KCND2: variants seen among roughly 807,000 people sequenced by gnomAD.
KCND2 encodes A-type voltage-gated potassium channel KCND2.
In KCND2, 16 loss-of-function variants were observed where a neutral mutation model predicts 54.4. The ratio of observed to expected loss-of-function variants is 0.29; its 90% CI spans 0.20 to 0.45. The LOEUF (loss-of-function observed/expected upper bound fraction) is 0.45, where lower values mean the gene tolerates loss of function less well. KCND2 is among the 20% of genes least tolerant of loss of function. The pLI, the probability that KCND2 is intolerant of heterozygous loss-of-function variation, is 1.00. For missense variants in KCND2, 486 were observed against 824.2 expected (o/e 0.59, Z 5.02); for synonymous variants, 317 against 310.7 (o/e 1.02, Z -0.21).
At chr7:120,493,717 C>T (rs984865720) in intron 1 of KCND2, among the ~76,000 whole-genome samples, 9 of 152,012 alleles carry the variant, frequency 5.9e-5, no homozygotes, top group African/African-American at 2.2e-4. Context: ...TTTAACAAGG[C>T]CAAGTGTTGC....
At chr7:120,726,693 C>G (rs546436325) in intron 1 of KCND2, among the ~76,000 whole-genome samples, 43 of 152,320 alleles carry the variant, frequency 2.8e-4, no homozygotes, top group African/African-American at 1.0e-3. Context: ...TACTTACACT[C>G]CAAATACTGA....
At chr7:120,561,715 G>T (rs374388018) in intron 1 of KCND2, among the ~76,000 whole-genome samples, 2 of 138,372 alleles carry the variant, frequency 1.4e-5, no homozygotes, top group African/African-American at 2.7e-5. Context: ...AGGTACAAGC[G>T]ATTCTGCTGT....
At chr7:120,670,884 C>G (rs1024516832) in intron 1 of KCND2, among the ~76,000 whole-genome samples, 2 of 150,548 alleles carry the variant, frequency 1.3e-5, no homozygotes, top group African/African-American at 2.4e-5. Context: ...CCACTGCACT[C>G]CAGCCTGGGC....
chr7:120,505,793 G>T (rs888580410), intron 1 of KCND2, among the ~76,000 whole-genome samples: 1 of 151,760 alleles, frequency 6.6e-6, no homozygotes, highest in African/African-American at 2.4e-5. Flanking sequence ...GAAGAGTAGG[G>T]TCATAAGGCC....
chr7:120,361,191 G>A (rs1800588032), intron 1 of KCND2, among the ~76,000 whole-genome samples: 1 of 151,944 alleles, frequency 6.6e-6, no homozygotes, highest in South Asian at 2.1e-4. Flanking sequence ...TGTAAGCCAA[G>A]TGTGAAATGC....
At chr7:120,289,037 A>AACACAT (rs1389999729) in intron 1 of KCND2, among the ~76,000 whole-genome samples, 19 of 62,220 alleles carry the variant, frequency 3.1e-4, no homozygotes, top group African/African-American at 6.5e-4. Context: ...CAGAGACACA[A>AACACAT]ACACACACAC....
At chr7:120,408,984 G>A (rs1346063421) in intron 1 of KCND2, among the ~76,000 whole-genome samples, 2 of 151,920 alleles carry the variant, frequency 1.3e-5, no homozygotes, top group Non-Finnish European at 2.9e-5. Flanking sequence ...CTCTGTACAT[G>A]TTTCTTAAGA....
chr7:120,746,203 G>T (rs913916500), intron 5 of KCND2, among the ~76,000 whole-genome samples, 176 bp downstream of exon 5: 2 of 152,110 alleles, frequency 1.3e-5, no homozygotes, highest in Non-Finnish European at 1.5e-5. Flanking sequence ...TCCATTAAGG[G>T]TTAAAAATAG....
At chr7:120,374,996 C>T (rs1800817186) in intron 1 of KCND2, among the ~76,000 whole-genome samples, 1 of 151,892 alleles carries the variant, frequency 6.6e-6, no homozygotes, top group Non-Finnish European at 1.5e-5. Flanking sequence ...TTACAGTCTT[C>T]TCTCCATGAG....
At chr7:120,448,370 T>C (rs1163138738) in intron 1 of KCND2, among the ~76,000 whole-genome samples, 2 of 152,214 alleles carry the variant, frequency 1.3e-5, no homozygotes, top group African/African-American at 4.8e-5. Flanking sequence ...CATCCTTTTT[T>C]ATGGCTGCAT....
intron 1 of KCND2, among the ~76,000 whole-genome samples, chr7:120,611,023 T>C (rs1287500860): frequency 1.3e-5 from 2 of 152,174 alleles, no homozygotes; most frequent in Non-Finnish European, 2.9e-5. Flanking sequence ...TCACTTGTTA[T>C]CCAAGTTTTA....
chr7:120,302,402 G>A (rs555843797), intron 1 of KCND2, among the ~76,000 whole-genome samples: 13 of 152,170 alleles, frequency 8.5e-5, no homozygotes, highest in South Asian at 2.1e-4. Flanking sequence ...GGAGACTAGC[G>A]GTGTGCACCA....
chr7:120,699,743 G>C (rs1792377430), intron 1 of KCND2, among the ~76,000 whole-genome samples: 1 of 152,320 alleles, frequency 6.6e-6, no homozygotes, highest in East Asian at 1.9e-4. Context: ...CTTGAAGGAA[G>C]AGAAGGCAAC....
intron 1 of KCND2, among the ~76,000 whole-genome samples, chr7:120,500,433 G>C (rs1802914810): frequency 6.6e-6 from 1 of 151,996 alleles, no homozygotes; most frequent in African/African-American, 2.4e-5. Flanking sequence ...TGTTTTGGGG[G>C]ATAATCTAAC....
chr7:120,385,849 G>A (rs1800980334), intron 1 of KCND2, among the ~76,000 whole-genome samples: 1 of 152,100 alleles, frequency 6.6e-6, no homozygotes, highest in Non-Finnish European at 1.5e-5. Flanking sequence ...GTTGGCTTAT[G>A]CATTGGTTTC....
intron 1 of KCND2, among the ~76,000 whole-genome samples, chr7:120,623,416 G>A (rs901855304): frequency 3.3e-5 from 5 of 152,132 alleles, no homozygotes; most frequent in Non-Finnish European, 7.4e-5. Flanking sequence ...TAAACACTGT[G>A]CTATTGGTGA....
At chr7:120,368,316 G>GAGGA (rs1800716259) in intron 1 of KCND2, among the ~76,000 whole-genome samples, 2 of 151,864 alleles carry the variant, frequency 1.3e-5, no homozygotes, top group Non-Finnish European at 2.9e-5. Context: ...TATTTTTAAT[G>GAGGA]TAAGTTTCTT....
intron 1 of KCND2, among the ~76,000 whole-genome samples, chr7:120,408,147 C>T (rs115954887): frequency 0.02 from 2,973 of 151,616 alleles, 80 homozygotes; most frequent in African/African-American, 0.068. Flanking sequence ...TGAAGGGATG[C>T]GAAGGAGAAG....
At chr7:120,596,785 C>T (rs1792751125) in intron 1 of KCND2, among the ~76,000 whole-genome samples, 1 of 152,076 alleles carries the variant, frequency 6.6e-6, no homozygotes, top group Admixed American at 6.6e-5. Context: ...ATTCAGTGTC[C>T]ACCCCAATGA....
Sources: allele counts gnomAD v4.1 joint callset (sites outside exome capture counted in the v4.1 genomes callset), GRCh38; gene constraint gnomAD v4.1.1; transcripts MANE v1.5; gene names NCBI Gene and HGNC (gene_info 2026-07-23, HGNC 2026-07-21).